EVL: variants seen among roughly 807,000 people sequenced by gnomAD.
EVL encodes Enah/Vasp-like, also known as ena/VASP-like protein.
EVL carries 21 observed loss-of-function variants against 59.6 expected under a neutral mutation model. The ratio of observed to expected loss-of-function variants is 0.35; its 90% CI spans 0.25 to 0.51. The LOEUF is 0.51. Ranked by LOEUF, EVL falls within the 20% of genes least tolerant of loss-of-function variation. The probability of loss-of-function intolerance (pLI) is 0.97; values close to 1 mark genes in which losing one functional copy is unlikely to be tolerated. For synonymous variants in EVL, 198 were observed against 203.5 expected, an observed-to-expected ratio of 0.97 and a Z score of 0.23; for missense variants, 462 against 546.6, an observed-to-expected ratio of 0.85 and a Z score of 1.54.
intron 2 of EVL, among the ~76,000 whole-genome samples, chr14:100,094,723 G>A (rs1319945798): frequency 1.3e-5 from 2 of 150,926 alleles, no homozygotes; most frequent in Admixed American, 6.6e-5. Context: ...CAGCCTGGGC[G>A]ACAGAGCAAG....
rs559904129 is a variant in EVL, at chr14:100,130,233, TGTGTGTCTGCTCGCTGCAGCGG to T, written c.839+555_839+576del. Among the ~76,000 whole-genome samples the T allele has an allele frequency of 3.6e-4, 55 of 152,272 alleles. 2 individuals are homozygous for T. The South Asian group carries it at 9.9e-3, about 28-fold the overall frequency. ...GGCTCTTGGGCCTGAGACCTGGCCA[TGTGTGTCTGCTCGCTGCAGCGG>T]GTGTGGCTGCAGCCTGCCATTGTGG... On this transcript the variant is annotated intron_variant, in intron 7 of 13. Coordinates refer to ENST00000392920, the MANE Select transcript of EVL (RefSeq NM_016337.3). The surrounding 1 kb of genome is among the most constrained non-coding windows in gnomAD (Gnocchi z 4.8).
chr14:100,099,118 G>A (rs969533704), intron 3 of EVL, among the ~76,000 whole-genome samples: 3 of 149,164 alleles, frequency 2.0e-5, no homozygotes, highest in Non-Finnish European at 4.4e-5. Flanking sequence ...CAAGGCAGAA[G>A]GATCACTTGA....
chr14:100,090,543 G>A (rs781332806), intron 2 of EVL, among the ~76,000 whole-genome samples: 5 of 152,142 alleles, frequency 3.3e-5, no homozygotes, highest in African/African-American at 9.7e-5. Context: ...CAATAATGCA[G>A]TAAGTAAGCC....
At position 100,088,045 on chromosome 14, in the gene EVL, A is replaced by G. The variant is rs115523444; in HGVS notation, c.180+3190A>G. 5.4e-3 allele frequency among the ~76,000 whole-genome samples: 819 copies of G among 152,310 alleles called. 6 individuals carry two copies. The highest frequency in any genetic ancestry group is 0.019 in the African/African-American group (770 of 41,552). ...TTTCAATGTGGACCCCGGAGAACAG[A>G]CCTAGGAATATTGCGTGGATGCTAT... On this transcript the variant is annotated intron_variant, in intron 2 of 13. Transcript: ENST00000392920.
intron 3 of EVL, among the ~76,000 whole-genome samples, chr14:100,105,844 C>T (rs533462865): frequency 6.6e-6 from 1 of 152,188 alleles, no homozygotes; most frequent in Admixed American, 6.5e-5. Flanking sequence ...TGGCCACATC[C>T]CAACTGAATA....
rs200908174 is a variant in EVL at position 100,026,244 on chromosome 14, A to C, written c.5+54187A>C. On this transcript the variant is annotated intron_variant, in intron 1 of 13. Transcript: ENST00000402714. Reference sequence around the variant, plus strand: ...CCAGTGTCTCAGGAAAAAAAAAAACAAAAAAAAAACACAACACTGTTGTGT... The same window carrying C: ...CCAGTGTCTCAGGAAAAAAAAAAACCAAAAAAAAACACAACACTGTTGTGT... Among the ~76,000 whole-genome samples, 69 of 79,964 alleles carry C rather than the reference A, an allele frequency of 8.6e-4. No individual in the cohort carries two copies. The African/African-American group carries it at 0.013, about 15-fold the overall frequency. 52.5% of individuals were successfully genotyped at this position (79,964 alleles called of 152,430 possible).
chr14:100,138,223 C>T, intron 11 of EVL: 1 of 262,622 alleles, frequency 3.8e-6, no homozygotes, highest in East Asian at 9.6e-5. Context: ...TGGTCACTAG[C>T]CAGGGCTGCA....
At position 100,030,094 on chromosome 14, in the gene EVL, C is replaced by CTTT. The variant is rs57192659; in HGVS notation, c.6-54580_6-54578dup. Reference sequence around the variant, plus strand: ...TACTATGCTAATTAAATGAGATTACCTTTTTTTTTTTTTTTGAGGTGGAGT... The same window carrying CTTT: ...TACTATGCTAATTAAATGAGATTACCTTTTTTTTTTTTTTTTTTGAGGTGGAGT... On this transcript the variant is annotated intron_variant, in intron 1 of 13. Coordinates refer to the EVL transcript ENST00000402714. Among the ~76,000 whole-genome samples the CTTT allele has an allele frequency of 7.5e-3, 1,052 of 140,000 alleles. 14 individuals carry two copies. Among genetic ancestry groups the CTTT allele is most frequent in the African/African-American group, 0.026 (969 of 37,272 alleles). 91.8% of individuals were successfully genotyped at this position (140,000 alleles called of 152,430 possible).
intron 1 of EVL, among the ~76,000 whole-genome samples, chr14:100,084,243 G>T (rs1012738620): frequency 2.0e-5 from 3 of 151,896 alleles, no homozygotes; most frequent in African/African-American, 7.3e-5. Flanking sequence ...GAGGCAGGGG[G>T]CATCTCACCA....
chr14:100,132,974 C>T (rs1888533100), intron 8 of EVL, among the ~76,000 whole-genome samples, 195 bp downstream of exon 8: 1 of 152,232 alleles, frequency 6.6e-6, no homozygotes, highest in Admixed American at 6.5e-5. Context: ...GGCCTGCCCT[C>T]ACTGAGCACC....
chr14:99,984,739 G>A (rs764455357), intron 1 of EVL, among the ~76,000 whole-genome samples: 1 of 151,930 alleles, frequency 6.6e-6, no homozygotes, highest in Non-Finnish European at 1.5e-5. Flanking sequence ...TCAGCCTCCC[G>A]AGTAGCTGGA....
chr14:100,086,616 C>T (rs929160882), intron 2 of EVL, among the ~76,000 whole-genome samples: 4 of 152,236 alleles, frequency 2.6e-5, no homozygotes, highest in African/African-American at 9.6e-5. Context: ...TCTCAGGGAC[C>T]TCAGCACCTC....
intron 1 of EVL, among the ~76,000 whole-genome samples, chr14:100,004,131 G>A (rs2060963564): frequency 6.6e-6 from 1 of 152,206 alleles, no homozygotes. Flanking sequence ...TTGAACCCGG[G>A]AGGCAGAGGT....
Position 100,135,980 on chromosome 14 carries a change from C to T in EVL, c.964+12C>T. 2.5e-6 allele frequency: 4 copies of T among 1,612,768 alleles called. No homozygotes were observed. In the South Asian group the frequency reaches 4.4e-5, roughly 18 times the overall value. The stretch of plus-strand genomic sequence containing the variant: ...ACCTAACTCCTCAGGTGAGAGGGCG[C>T]CCCCCGCTGACCCCAGTGAGGCATG... On this transcript the variant is annotated intron_variant, in intron 9 of 13. Coordinates refer to ENST00000392920, the MANE Select transcript of EVL (RefSeq NM_016337.3).
upstream of EVL, among the ~76,000 whole-genome samples, chr14:100,063,755 A>G (rs1418265734): frequency 1.3e-5 from 2 of 152,248 alleles, no homozygotes; most frequent in Non-Finnish European, 2.9e-5. Flanking sequence ...GTTTCAGAAT[A>G]CACATTCTTT....
intron 12 of EVL, 75 bp downstream of exon 12, chr14:100,141,321 G>A: frequency 6.5e-7 from 1 of 1,533,004 alleles, no homozygotes; most frequent in African/African-American, 1.4e-5. Flanking sequence ...TGACCAGCAT[G>A]GCCAGGCAGG....
rs1181119089 is a variant in EVL at position 100,065,473 on chromosome 14, G to C, written c.-28G>C. On this transcript the variant is annotated 5_prime_UTR_variant, in exon 1 of 14. Transcript: ENST00000392920. ...TGGGAGTACAGGACTCGCCTCCTCAGGGTTCCCTGTGCTGCCACTTTTCAG... is the reference window on the plus strand; with the variant it reads ...TGGGAGTACAGGACTCGCCTCCTCACGGTTCCCTGTGCTGCCACTTTTCAG... 6.7e-7 allele frequency: 1 copy of C among 1,500,916 alleles called. No homozygotes were observed. The highest frequency in any genetic ancestry group is 2.5e-5 in the East Asian group (1 of 40,098). The allele number at this position is 1,500,916 out of a possible 1,614,324, so 93.0% of individuals were successfully genotyped here. A position where few individuals can be genotyped will look rare whatever the true frequency, so the allele number is the denominator to read the frequency against.
intron 1 of EVL, among the ~76,000 whole-genome samples, chr14:100,047,513 GGGA>G (rs2061573080): frequency 6.6e-6 from 1 of 152,032 alleles, no homozygotes; most frequent in Non-Finnish European, 1.5e-5. Flanking sequence ...CCATTGCTCC[GGGA>G]CAGACAGCCC....
At chr14:100,134,394 C>G (rs1479437030) in intron 8 of EVL, among the ~76,000 whole-genome samples, 1 of 152,202 alleles carries the variant, frequency 6.6e-6, no homozygotes, top group Admixed American at 6.5e-5. Context: ...GGAAGAGGAA[C>G]ATTCTTGAAA....
Sources: gnomAD v4.1 joint callset for allele counts (sites outside exome capture counted in the v4.1 genomes callset) on GRCh38, gnomAD v4.1.1 for gene constraint, Gnocchi (gnomAD v3.1) non-coding constraint, MANE v1.5 for transcripts, NCBI Gene and HGNC (gene_info 2026-07-23, HGNC 2026-07-21) for gene names.